Variants in OPCML observed in about 807,000 individuals in gnomAD.
The protein encoded by OPCML is opioid-binding protein/cell adhesion molecule.
A neutral mutation model predicts 37.8 loss-of-function variants in OPCML; 13 were observed. That is an observed-to-expected ratio of 0.34 (90% CI 0.22 to 0.55). The LOEUF is 0.55. OPCML is among the 20% of genes least tolerant of loss of function. The probability of loss-of-function intolerance (pLI) is 0.91; values close to 1 mark genes in which losing one functional copy is unlikely to be tolerated. For missense variants in OPCML, 341 were observed against 435.6 expected, an observed-to-expected ratio of 0.78 and a Z score of 1.93; for synonymous variants, 176 against 168.8, an observed-to-expected ratio of 1.04 and a Z score of -0.33.
intron 1 of OPCML, among the ~76,000 whole-genome samples, chr11:133,307,845 C>T (rs1162303172): frequency 2.0e-5 from 3 of 151,074 alleles, no homozygotes; most frequent in Non-Finnish European, 4.4e-5. Context: ...TCTCTTGTTT[C>T]CAAGTTTTTT....
intron 3 of OPCML, among the ~76,000 whole-genome samples, chr11:132,634,724 T>C (rs1412820189): frequency 1.3e-5 from 2 of 152,184 alleles, no homozygotes; most frequent in Non-Finnish European, 2.9e-5. Context: ...TCCACCCTAC[T>C]GCCCTTGGAA....
At position 132,879,740 on chromosome 11, in the gene OPCML, T is replaced by C. The variant is rs527898032; in HGVS notation, c.146+63186A>G. On this transcript the variant is annotated intron_variant, in intron 2 of 7. Transcript: ENST00000524381. Reference sequence around the variant, plus strand: ...CATAATGAATTATCTATAAGACTAGTTCAGCGTTAATAAATAGGTTTCTCT... The same window carrying C: ...CATAATGAATTATCTATAAGACTAGCTCAGCGTTAATAAATAGGTTTCTCT... Among the ~76,000 whole-genome samples the C allele has an allele frequency of 3.6e-3, 542 of 152,316 alleles. 1 individual carries two copies. Among genetic ancestry groups the C allele is most frequent in the Non-Finnish European group, 6.5e-3 (443 of 68,036 alleles).
At chr11:133,471,543 G>T (rs897083678) in intron 1 of OPCML, among the ~76,000 whole-genome samples, 5 of 152,202 alleles carry the variant, frequency 3.3e-5, no homozygotes, top group South Asian at 4.2e-4. Flanking sequence ...TGGTTGGCTG[G>T]GGCATAGGCA....
At chr11:133,318,341 A>G (rs1000829398) in intron 1 of OPCML, among the ~76,000 whole-genome samples, 2 of 152,156 alleles carry the variant, frequency 1.3e-5, no homozygotes, top group Non-Finnish European at 2.9e-5. Flanking sequence ...CTCACGCTCT[A>G]TACCTCATCA....
intron 2 of OPCML, among the ~76,000 whole-genome samples, chr11:132,812,720 A>C (rs1382851260): frequency 6.6e-6 from 1 of 152,194 alleles, no homozygotes; most frequent in African/African-American, 2.4e-5. Flanking sequence ...TGATTATCTT[A>C]TCACTAATTC....
At chr11:132,582,967 T>A (rs1015277687) in intron 3 of OPCML, among the ~76,000 whole-genome samples, 6 of 149,184 alleles carry the variant, frequency 4.0e-5, no homozygotes, top group African/African-American at 1.5e-4. Flanking sequence ...TACTTCAGCC[T>A]CCAGAGTAGC....
intron 1 of OPCML, chr11:133,065,904 T>A (rs1948434809): frequency 6.6e-6 from 1 of 152,476 alleles, no homozygotes; most frequent in Non-Finnish European, 1.5e-5. Context: ...TGAATCCCGA[T>A]ACAACACGTG....
At chr11:133,448,228 G>C (rs892175207) in intron 1 of OPCML, among the ~76,000 whole-genome samples, 2 of 152,026 alleles carry the variant, frequency 1.3e-5, no homozygotes, top group African/African-American at 4.8e-5. Context: ...ATAAGACAGT[G>C]GTCAAAATTA....
chr11:133,440,669 A>G (rs1300439021), intron 1 of OPCML, among the ~76,000 whole-genome samples: 3 of 149,132 alleles, frequency 2.0e-5, no homozygotes, highest in East Asian at 4.0e-4. Flanking sequence ...AGAGGTTGCA[A>G]TGAGCCAAGA....
At chr11:132,534,783 A>G (rs1311447808) in intron 3 of OPCML, among the ~76,000 whole-genome samples, 1 of 152,152 alleles carries the variant, frequency 6.6e-6, no homozygotes, top group Non-Finnish European at 1.5e-5. Flanking sequence ...AGAACTAAAT[A>G]TAAATGTATT....
intron 3 of OPCML, among the ~76,000 whole-genome samples, chr11:132,553,284 A>G (rs1262141310): frequency 6.6e-6 from 1 of 152,358 alleles, no homozygotes; most frequent in East Asian, 1.9e-4. Context: ...CTTATGGATC[A>G]GAACTGAATG....
At chr11:132,835,020 GA>G (rs1330030938) in intron 2 of OPCML, among the ~76,000 whole-genome samples, 2 of 151,366 alleles carry the variant, frequency 1.3e-5, no homozygotes, top group Non-Finnish European at 2.9e-5. Context: ...AAAGGAGGGG[GA>G]CCACCAGCTT....
intron 1 of OPCML, among the ~76,000 whole-genome samples, chr11:133,401,113 CA>C (rs553140148): frequency 3.9e-5 from 6 of 152,140 alleles, no homozygotes; most frequent in Non-Finnish European, 7.4e-5. Flanking sequence ...CCAAGAGGAC[CA>C]AAAGTTGGAG....
chr11:132,878,361 G>A (rs980611455), intron 2 of OPCML, among the ~76,000 whole-genome samples: 1 of 152,152 alleles, frequency 6.6e-6, no homozygotes, highest in African/African-American at 2.4e-5. Context: ...AATGCAGATT[G>A]CCCTCCCTAA....
chr11:132,876,797 A>C (rs2136414261), intron 2 of OPCML, among the ~76,000 whole-genome samples: 1 of 152,334 alleles, frequency 6.6e-6, no homozygotes. Context: ...GAATCAGAAC[A>C]CAATGCCATC....
At chr11:132,930,220 C>A (rs577913875) in intron 2 of OPCML, among the ~76,000 whole-genome samples, 3 of 152,026 alleles carry the variant, frequency 2.0e-5, no homozygotes, top group Non-Finnish European at 4.4e-5. Flanking sequence ...AAAAATTAGC[C>A]TGACGTGGTG....
chr11:132,947,095 C>G (rs1385678973), intron 1 of OPCML, among the ~76,000 whole-genome samples: 1 of 152,148 alleles, frequency 6.6e-6, no homozygotes, highest in African/African-American at 2.4e-5. Flanking sequence ...ATCCCTTCCT[C>G]TCTCCTGGAC....
intron 2 of OPCML, among the ~76,000 whole-genome samples, chr11:132,699,718 C>T (rs1016037636): frequency 3.9e-5 from 6 of 152,052 alleles, no homozygotes; most frequent in African/African-American, 1.2e-4. Context: ...TGATGTGTGA[C>T]TCTTTTAATG....
At chr11:133,308,899 C>T (rs1025728550) in intron 1 of OPCML, among the ~76,000 whole-genome samples, 1 of 152,090 alleles carries the variant, frequency 6.6e-6, no homozygotes, top group African/African-American at 2.4e-5. Flanking sequence ...AAAATTGGAG[C>T]AACTTGAAAA....
Sources: allele counts gnomAD v4.1 joint callset (sites outside exome capture counted in the v4.1 genomes callset), GRCh38; gene constraint gnomAD v4.1.1; transcripts MANE v1.5; gene names NCBI Gene and HGNC (gene_info 2026-07-23, HGNC 2026-07-21).